Variants in GAN observed in about 807,000 individuals in gnomAD.
GAN encodes the protein gigaxonin.
Under a neutral mutation model 71.3 loss-of-function variants are expected in GAN, and 48 were observed. That is an observed-to-expected ratio of 0.67 (90% CI 0.53 to 0.86). The LOEUF (loss-of-function observed/expected upper bound fraction) is 0.86, where lower values mean the gene tolerates loss of function less well. Ranked by LOEUF, GAN falls within the 40% of genes least tolerant of loss-of-function variation. The pLI is 0.00. For missense variants in GAN, 928 were observed against 770.1 expected (o/e 1.21, Z -2.43); for synonymous variants, 386 against 276.8 (o/e 1.39, Z -3.92).
rs556886932 is a variant in GAN at position 81,384,193 on chromosome 16, A to G, written c.*6597A>G. On this transcript the variant is annotated 3_prime_UTR_variant, in exon 11 of 11. Transcript: ENST00000648994. ...TAGTATTGTGCTTGATCCCCTGCCA[A>G]TTGAGAAGAATTCAACACATTCTGT... The G allele has an allele frequency of 2.0e-5, 3 of 152,102 alleles. No homozygotes were observed. Among genetic ancestry groups the G allele is most frequent in the South Asian group, 2.1e-4 (1 of 4,818 alleles). The allele number at this position is 152,102 out of a possible 1,614,324, so 9.4% of individuals were successfully genotyped here.
At chr16:81,375,253 A>G (rs142487925) in intron 9 of GAN, among the ~76,000 whole-genome samples, 17 of 151,860 alleles carry the variant, frequency 1.1e-4, no homozygotes, top group African/African-American at 3.6e-4. Flanking sequence ...GAATCTGACA[A>G]TTGAATAAGA....
rs974031623 is a variant in GAN at position 81,386,051 on chromosome 16, T to A, written c.*8455T>A. On this transcript the variant is annotated 3_prime_UTR_variant, in exon 11 of 11. Coordinates refer to ENST00000648994, the MANE Select transcript of GAN (RefSeq NM_022041.4). ...CAGGTGTGAGCATCCAGCCAGAAAA[T>A]GATTTGCTTTCTAGACCCATATCAC... 1.3e-5 allele frequency: 2 copies of A among 152,088 alleles called. No individual in the cohort carries two copies. The highest frequency in any genetic ancestry group is 2.4e-5 in the African/African-American group (1 of 41,392). 9.4% of individuals were successfully genotyped at this position (152,088 alleles called of 1,614,324 possible).
chr16:81,349,660 G>T (rs1049812146), intron 1 of GAN, among the ~76,000 whole-genome samples: 2 of 151,930 alleles, frequency 1.3e-5, no homozygotes, highest in African/African-American at 4.8e-5. Context: ...AAAAATAAAA[G>T]AAATTTTGTT....
intron 9 of GAN, among the ~76,000 whole-genome samples, chr16:81,369,006 C>A (rs939849256): frequency 6.6e-6 from 1 of 152,202 alleles, no homozygotes; most frequent in Non-Finnish European, 1.5e-5. Flanking sequence ...TAGTATCTTT[C>A]TTTCACATAT....
chr16:81,328,159 T>TA (rs1222086083), intron 1 of GAN, among the ~76,000 whole-genome samples: 1 of 152,256 alleles, frequency 6.6e-6, no homozygotes, highest in Non-Finnish European at 1.5e-5. Context: ...GATTTAAATT[T>TA]AAAAAATCTA....
intron 1 of GAN, among the ~76,000 whole-genome samples, chr16:81,341,518 T>C (rs1366347821): frequency 6.6e-6 from 1 of 152,220 alleles, no homozygotes; most frequent in Non-Finnish European, 1.5e-5. Context: ...CAGAATTTCA[T>C]ATCTAGCCAA....
At chr16:81,369,653 G>A (rs1038969201) in intron 9 of GAN, among the ~76,000 whole-genome samples, 4 of 152,098 alleles carry the variant, frequency 2.6e-5, no homozygotes, top group Non-Finnish European at 5.9e-5. Context: ...GTGCAGTGGC[G>A]TGATCTCGGC....
intron 9 of GAN, among the ~76,000 whole-genome samples, chr16:81,368,968 G>T (rs559026370): frequency 3.9e-5 from 6 of 152,248 alleles, no homozygotes; most frequent in African/African-American, 1.4e-4. Flanking sequence ...TCCATGATTT[G>T]AGGTTAAGAA....
intron 1 of GAN, among the ~76,000 whole-genome samples, chr16:81,343,225 A>G (rs1043577534): frequency 6.6e-6 from 1 of 152,214 alleles, no homozygotes; most frequent in African/African-American, 2.4e-5. Context: ...TTCTGAAACT[A>G]TTCCGATCAA....
At chr16:81,368,184 A>G (rs768998618) in intron 9 of GAN, among the ~76,000 whole-genome samples, 4 of 152,228 alleles carry the variant, frequency 2.6e-5, no homozygotes, top group Non-Finnish European at 5.9e-5. Context: ...AAATTGCCAT[A>G]AAGTATTACC....
At chr16:81,339,434 CTT>C (rs1408359536) in intron 1 of GAN, among the ~76,000 whole-genome samples, 1 of 152,170 alleles carries the variant, frequency 6.6e-6, no homozygotes, top group Non-Finnish European at 1.5e-5. Flanking sequence ...CATTTAAAGA[CTT>C]GAGTATTTAA....
intron 1 of GAN, among the ~76,000 whole-genome samples, chr16:81,327,424 G>A (rs944980989): frequency 1.3e-5 from 2 of 152,168 alleles, no homozygotes; most frequent in Non-Finnish European, 2.9e-5. Context: ...ACTGGAGGCT[G>A]TAGTTTTTGT....
At position 81,382,512 on chromosome 16, in the gene GAN, T is replaced by G. The variant is rs992295817; in HGVS notation, c.*4916T>G. The stretch of plus-strand genomic sequence containing the variant: ...TTATTTCAAAGAGCTTCATGTATAC[T>G]TCCCTCTCTTATTCCATGTAATTAG... On this transcript the variant is annotated 3_prime_UTR_variant, in exon 11 of 11. Coordinates refer to ENST00000648994, the MANE Select transcript of GAN (RefSeq NM_022041.4). 6 of 152,214 alleles carry G rather than the reference T, an allele frequency of 3.9e-5. No homozygotes were observed. Among genetic ancestry groups the G allele is most frequent in the African/African-American group, 1.4e-4 (6 of 41,450 alleles). The allele number at this position is 152,214 out of a possible 1,614,324, so 9.4% of individuals were successfully genotyped here. A position where few individuals can be genotyped will look rare whatever the true frequency, so the allele number is the denominator to read the frequency against.
rs1904423214 is a variant in GAN at position 81,387,051 on chromosome 16, A to T, written c.*9455A>T. ...TGTTGGCAAGAACGGATCTTTGGCA[A>T]GATCACTTAAGGTGAGCTACTCTAG... On this transcript the variant is annotated 3_prime_UTR_variant, in exon 11 of 11. Transcript: ENST00000648994. 1.3e-5 allele frequency: 2 copies of T among 152,272 alleles called. No individual in the cohort carries two copies. Among genetic ancestry groups the T allele is most frequent in the African/African-American group, 4.8e-5 (2 of 41,478 alleles). 9.4% of individuals were successfully genotyped at this position (152,272 alleles called of 1,614,324 possible).
chr16:81,334,249 TG>T (rs1342425004), intron 1 of GAN, among the ~76,000 whole-genome samples: 1 of 152,188 alleles, frequency 6.6e-6, no homozygotes, highest in African/African-American at 2.4e-5. Flanking sequence ...CTGCCTGTGT[TG>T]CATAGTTGGG....
intron 1 of GAN, among the ~76,000 whole-genome samples, chr16:81,323,791 A>G (rs1351161896): frequency 3.3e-5 from 5 of 152,198 alleles, no homozygotes; most frequent in Non-Finnish European, 5.9e-5. Flanking sequence ...TCAGTCATTT[A>G]CAGAGGATTG....
At chr16:81,374,410 C>A (rs969838742) in intron 9 of GAN, among the ~76,000 whole-genome samples, 1 of 152,216 alleles carries the variant, frequency 6.6e-6, no homozygotes, top group African/African-American at 2.4e-5. Flanking sequence ...CTCATTTGAG[C>A]ATCCACTGGT....
In GAN at chr16:81,315,138, GACCCTCAGC is replaced by G; in HGVS notation, c.28_36del (p.Pro10_His12del). The G allele has an allele frequency of 6.5e-7, 1 of 1,532,262 alleles. No homozygotes were observed. Among genetic ancestry groups the G allele is most frequent in the Non-Finnish European group, 8.8e-7 (1 of 1,141,030 alleles). The allele number at this position is 1,532,262 out of a possible 1,614,324, so 94.9% of individuals were successfully genotyped here. A position where few individuals can be genotyped will look rare whatever the true frequency, so the allele number is the denominator to read the frequency against. ...GATGGCTGAGGGCAGTGCCGTGTCT[GACCCTCAGC>G]ACGCCGCGCGTCTGCTGCGAGCGCT... On this transcript the variant is annotated inframe_deletion, in exon 1 of 11. Coordinates refer to ENST00000648994, the MANE Select transcript of GAN (RefSeq NM_022041.4).
chr16:81,368,643 C>T (rs1397402231), intron 9 of GAN, among the ~76,000 whole-genome samples: 1 of 152,184 alleles, frequency 6.6e-6, no homozygotes, highest in Non-Finnish European at 1.5e-5. Flanking sequence ...CTGTCTTGTA[C>T]TTTGCAACTC....
Sources: gnomAD v4.1 joint callset for allele counts (sites outside exome capture counted in the v4.1 genomes callset) on GRCh38, gnomAD v4.1.1 for gene constraint, MANE v1.5 for transcripts, NCBI Gene and HGNC (gene_info 2026-07-23, HGNC 2026-07-21) for gene names.